The following SPATA24 variants were observed in gnomAD, a reference collection of about 807,000 sequenced individuals.
SPATA24 encodes spermatogenesis associated 24, also known as spermatogenesis-associated protein 24.
SPATA24 carries 21 observed loss-of-function variants against 28.9 expected under a neutral mutation model. The observed-to-expected ratio is 0.73, with a 90% CI of 0.52 to 1.05. The LOEUF (loss-of-function observed/expected upper bound fraction) is 1.05, where lower values mean the gene tolerates loss of function less well. Among genes scored for constraint, SPATA24 ranks in the 50% least tolerant of loss-of-function variants. SPATA24 has a pLI of 0.00. For missense variants in SPATA24, 215 were observed against 242.9 expected (o/e 0.88, Z 0.76); for synonymous variants, 76 against 89.9 (o/e 0.85, Z 0.88).
chr5:139,392,903 G>A (rs1045005105), downstream of SPATA24: 22 of 1,540,746 alleles, frequency 1.4e-5, no homozygotes, highest in Non-Finnish European at 1.8e-5. This position sits in a 1 kb window ranked among gnomAD's most constrained non-coding sequence, Gnocchi z 5.8. Context: ...CGCTTGAAGG[G>A]CTTCGCCGTG....
intron 4 of SPATA24, among the ~76,000 whole-genome samples, chr5:139,399,486 G>A (rs961122654): frequency 2.6e-5 from 4 of 152,170 alleles, no homozygotes; most frequent in South Asian, 2.1e-4. Context: ...TGAGTTCACC[G>A]GGTCATGGGA....
At chr5:139,393,926 T>C, downstream of SPATA24, 2 of 1,550,986 alleles carry the variant, frequency 1.3e-6, no homozygotes. Context: ...CTCACAGCCC[T>C]ACTCGGAACC....
chr5:139,397,314 G>C (rs1044133202), intron 4 of SPATA24, among the ~76,000 whole-genome samples, 171 bp from the exon 5 acceptor site: 1 of 152,166 alleles, frequency 6.6e-6, no homozygotes, highest in Non-Finnish European at 1.5e-5. Flanking sequence ...TCTTGGGGGA[G>C]TGCAGTGTTT....
chr5:139,393,273 G>C, downstream of SPATA24: 2 of 1,549,826 alleles, frequency 1.3e-6, no homozygotes, highest in Non-Finnish European at 1.7e-6. Flanking sequence ...AGACTTCCGG[G>C]CACTTATCCG....
At chr5:139,396,107 C>A, downstream of SPATA24, 4 of 902,146 alleles carry the variant, frequency 4.4e-6, no homozygotes, top group Non-Finnish European at 5.3e-6. Context: ...AGAGCACTGC[C>A]CCCTCCTGTG....
rs748223649 is a variant in SPATA24, at chr5:139,403,927, C to T, written c.117+17G>A. The T allele has an allele frequency of 7.1e-6, 11 of 1,548,066 alleles. No individual in the cohort carries two copies. The highest frequency in any genetic ancestry group is 9.6e-6 in the Non-Finnish European group (11 of 1,143,844). On this transcript the variant is annotated intron_variant, in intron 1 of 5. Coordinates refer to ENST00000450845, the MANE Select transcript of SPATA24 (RefSeq NM_194296.2). ...GCATCCGGCCCCGCCTCTCCCCAAA[C>T]TCCTCTGGCTGCATACCACGTTCCT...
At chr5:139,396,646 C>A, downstream of SPATA24, 1 of 1,499,448 alleles carries the variant, frequency 6.7e-7, no homozygotes, top group Non-Finnish European at 8.9e-7. Context: ...AACAAAGACC[C>A]AGCTCCTCCC....
downstream of SPATA24, chr5:139,394,754 C>T (rs766588688): frequency 9.1e-6 from 14 of 1,532,318 alleles, 1 homozygote; most frequent in South Asian, 1.7e-4. Context: ...ACTTCCATCT[C>T]CCCCGACGGC....
chr5:139,395,143 T>A, downstream of SPATA24: 2 of 1,361,352 alleles, frequency 1.5e-6, no homozygotes, highest in South Asian at 1.7e-5. Context: ...GCGCCGGCAC[T>A]GTCCCCGCCC....
chr5:139,401,885 A>AC (rs1364646352), intron 3 of SPATA24, 30 bp downstream of exon 3: 16 of 1,548,978 alleles, frequency 1.0e-5, no homozygotes, highest in Non-Finnish European at 1.4e-5. Flanking sequence ...CATCCCCCAA[A>AC]CCCCACACCC....
At chr5:139,395,655 C>T (rs1012709652), downstream of SPATA24, 1 of 152,452 alleles carries the variant, frequency 6.6e-6, no homozygotes, top group African/African-American at 2.4e-5. Flanking sequence ...TTACACTCTT[C>T]CTGATCCCCT....
At position 139,402,685 on chromosome 5, in the gene SPATA24, G is replaced by A; in HGVS notation, c.126C>T (p.Leu42=). 3 of 1,551,848 alleles carry A rather than the reference G, an allele frequency of 1.9e-6. No homozygotes were observed. The highest frequency in any genetic ancestry group is 1.7e-6 in the Non-Finnish European group (2 of 1,146,982). Residue 42 remains leucine (L), a synonymous_variant, in exon 2 of 6, where the codon CTC becomes CTT. Transcript: ENST00000450845. ...CTTTACTGACAAAATTTTCGTCCTG[G>A]AGAACCATCTGCAACAGAGCCTGGC... ...LIHQLRNVMV[L]QDENFVSKEE...
chr5:139,402,620 T>C lies in SPATA24; in HGVS notation c.183+8A>G. The C allele has an allele frequency of 6.4e-7, 1 of 1,551,336 alleles. No homozygotes were observed. Among genetic ancestry groups the C allele is most frequent in the Non-Finnish European group, 8.7e-7 (1 of 1,146,726 alleles). ...GAAGATTAGGAGACCGCAGAGGCCA[T>C]TACTTACCACCAGCTTCTTCTCCAC... On this transcript the variant is annotated splice_region_variant and intron_variant, in intron 2 of 5. Coordinates refer to ENST00000450845, the MANE Select transcript of SPATA24 (RefSeq NM_194296.2).
At chr5:139,395,138 G>C (rs1758676697), downstream of SPATA24, 1 of 1,362,600 alleles carries the variant, frequency 7.3e-7, no homozygotes. Context: ...TGGTGGCGCC[G>C]GCACTGTCCC....
chr5:139,401,551 T>C (rs1758821419), intron 4 of SPATA24: 1 of 697,176 alleles, frequency 1.4e-6, no homozygotes, highest in African/African-American at 1.8e-5. Context: ...CGGTGAAGAA[T>C]ATAGTACACC....
chr5:139,392,927 T>A, downstream of SPATA24: 2 of 1,527,338 alleles, frequency 1.3e-6, no homozygotes, highest in Non-Finnish European at 1.8e-6. This position sits in a 1 kb window ranked among gnomAD's most constrained non-coding sequence, Gnocchi z 5.8. Context: ...TTCTCTGCCC[T>A]CCGCCGCAGG....
At chr5:139,393,783 G>A (rs1193313788), downstream of SPATA24, 1 of 1,551,440 alleles carries the variant, frequency 6.4e-7, no homozygotes, top group Non-Finnish European at 8.7e-7. Flanking sequence ...ACTCGGAGGA[G>A]GCTTCAGGGA....
intron 4 of SPATA24, among the ~76,000 whole-genome samples, chr5:139,400,895 C>T (rs1013445380): frequency 2.0e-5 from 3 of 152,142 alleles, no homozygotes; most frequent in Non-Finnish European, 4.4e-5. Context: ...CGGTGGCTCA[C>T]GCCTATAATC....
chr5:139,396,558 G>T (rs77676241), downstream of SPATA24: 2 of 1,331,380 alleles, frequency 1.5e-6, no homozygotes, highest in African/African-American at 3.0e-5. Flanking sequence ...GGAGTGGGGT[G>T]GAATATTACT....
Sources: allele counts gnomAD v4.1 joint callset (sites outside exome capture counted in the v4.1 genomes callset), GRCh38; gene constraint gnomAD v4.1.1; non-coding constraint Gnocchi (gnomAD v3.1); transcripts MANE v1.5; gene names NCBI Gene and HGNC (gene_info 2026-07-23, HGNC 2026-07-21).